OR51B5: variants seen among roughly 807,000 people sequenced by gnomAD.
OR51B5 encodes olfactory receptor family 51 subfamily B member 5, also known as olfactory receptor 51B5.
For missense variants in OR51B5, 456 were observed against 374.6 expected (o/e 1.22, Z -1.79); for synonymous variants, 186 against 144.8 (o/e 1.28, Z -2.04).
intron 1 of OR51B5, among the ~76,000 whole-genome samples, chr11:5,472,738 A>G (rs1438372111): frequency 1.3e-5 from 2 of 152,232 alleles, no homozygotes; most frequent in Non-Finnish European, 2.9e-5. Flanking sequence ...CCCAGGAAGA[A>G]TCCATTCAGT....
chr11:5,421,032 T>C (rs1471293766), intron 1 of OR51B5, among the ~76,000 whole-genome samples: 1 of 152,184 alleles, frequency 6.6e-6, no homozygotes, highest in African/African-American at 2.4e-5. Flanking sequence ...TTTGAGAGAT[T>C]GTACAGTTCA....
At chr11:5,395,129 T>C (rs1297558989) in intron 1 of OR51B5, among the ~76,000 whole-genome samples, 1 of 152,152 alleles carries the variant, frequency 6.6e-6, no homozygotes, top group Admixed American at 6.5e-5. Flanking sequence ...CTCAAATGCT[T>C]TGGTCTAGGA....
At position 5,401,479 on chromosome 11, in the gene OR51B5, T is replaced by C. The variant is rs183703454; in HGVS notation, n.85-54569A>G. On this transcript the variant is annotated intron_variant and non_coding_transcript_variant, in intron 1 of 4. Transcript: ENST00000415970. ...TAGCCCAGTGTGGGTCCAAATTCTA[T>C]GCTTTTCTAGTTTAATTCTCTGCCA... Among the ~76,000 whole-genome samples, 103 of 152,334 alleles carry C rather than the reference T, an allele frequency of 6.8e-4. 1 individual carries two copies. Among genetic ancestry groups the C allele is most frequent in the Middle Eastern group, 3.4e-3 (1 of 294 alleles).
chr11:5,342,969 C>T lies in OR51B5; in HGVS notation c.556G>A (p.Ala186Thr), dbSNP rs771737118. 2.6e-5 allele frequency: 42 copies of T among 1,613,282 alleles called. No individual in the cohort carries two copies. Among genetic ancestry groups the T allele is most frequent in the African/African-American group, 9.4e-5 (7 of 74,766 alleles). Residue 186 changes from alanine to threonine, a missense_variant, in exon 1 of 1, where the codon GCC becomes ACC. Transcript: ENST00000300773. ...CGGTTGAAGGTGGTATCAGCACAGG[C>T]GAGTTTAATGACATCCTGGTGAAGG...
In OR51B5 at chr11:5,396,272, G is replaced by A. The variant is rs1480890701; in HGVS notation, n.85-49362C>T. On this transcript the variant is annotated intron_variant and non_coding_transcript_variant, in intron 1 of 4. Transcript: ENST00000415970. Reference sequence around the variant, plus strand: ...AGGCATTCAATTATGTAAAGAGAAAGTCAAATTGTCCCTGTTTGCAGATGA... The same window carrying A: ...AGGCATTCAATTATGTAAAGAGAAAATCAAATTGTCCCTGTTTGCAGATGA... 2.0e-5 allele frequency among the ~76,000 whole-genome samples: 3 copies of A among 152,200 alleles called. No individual in the cohort carries two copies. The East Asian group carries it at 5.8e-4, about 29-fold the overall frequency.
intron 1 of OR51B5, among the ~76,000 whole-genome samples, chr11:5,405,106 T>C (rs1850039437): frequency 6.6e-6 from 1 of 152,228 alleles, no homozygotes; most frequent in Non-Finnish European, 1.5e-5. Context: ...TTTGCAGGCA[T>C]TTAAAATGAT....
chr11:5,434,244 G>A (rs1408460740), intron 1 of OR51B5, among the ~76,000 whole-genome samples: 1 of 152,154 alleles, frequency 6.6e-6, no homozygotes, highest in Non-Finnish European at 1.5e-5. Context: ...CCCCTTTACA[G>A]TGACAGCATT....
downstream of OR51B5, chr11:5,340,763 T>C (rs1265678405): frequency 1.3e-5 from 2 of 152,202 alleles, no homozygotes; most frequent in Non-Finnish European, 2.9e-5. Flanking sequence ...CAATTAAAAA[T>C]GTTATGCCCT....
At chr11:5,442,577 C>G (rs1204168181) in intron 1 of OR51B5, among the ~76,000 whole-genome samples, 1 of 152,158 alleles carries the variant, frequency 6.6e-6, no homozygotes, top group Non-Finnish European at 1.5e-5. Context: ...ATGACCCTTT[C>G]CCAATTCTTA....
chr11:5,503,868 G>A (rs564013779), intron 1 of OR51B5, among the ~76,000 whole-genome samples: 127 of 152,256 alleles, frequency 8.3e-4, no homozygotes, highest in African/African-American at 3.0e-3. Context: ...TTGATTTATT[G>A]CAGTGATTAA....
intron 1 of OR51B5, among the ~76,000 whole-genome samples, chr11:5,407,904 T>C (rs1031031659): frequency 6.6e-6 from 1 of 152,148 alleles, no homozygotes; most frequent in African/African-American, 2.4e-5. Context: ...TAATAAAATG[T>C]TATTGACAAA....
chr11:5,399,975 G>C (rs1239551605), intron 1 of OR51B5, among the ~76,000 whole-genome samples: 1 of 152,140 alleles, frequency 6.6e-6, no homozygotes, highest in East Asian at 1.9e-4. Context: ...AAGAACAGCT[G>C]CTCAATCCAG....
At chr11:5,360,381 C>G (rs28871579) in intron 1 of OR51B5, among the ~76,000 whole-genome samples, 10 of 151,418 alleles carry the variant, frequency 6.6e-5, no homozygotes, top group Admixed American at 6.6e-4. Flanking sequence ...TCAACAGACA[C>G]ATGAAAAAAT....
chr11:5,471,569 G>A lies in OR51B5; in HGVS notation n.84+34000C>T, dbSNP rs145324494. ...TAGAATCCCTTGAACTCGGGAAGTG[G>A]AGGTTGCAGTGAGCTGAGATCGCAC... On this transcript the variant is annotated intron_variant and non_coding_transcript_variant, in intron 1 of 4. Coordinates refer to the OR51B5 transcript ENST00000415970. Among the ~76,000 whole-genome samples the A allele has an allele frequency of 7.2e-3, 1,089 of 150,776 alleles. 13 individuals carry two copies. Among genetic ancestry groups the A allele is most frequent in the Middle Eastern group, 0.024 (7 of 290 alleles).
chr11:5,378,102 C>T (rs1849555282), intron 1 of OR51B5, among the ~76,000 whole-genome samples: 1 of 151,882 alleles, frequency 6.6e-6, no homozygotes, highest in Non-Finnish European at 1.5e-5. Flanking sequence ...GTTACTGGTA[C>T]CAAAACACAG....
upstream of OR51B5, among the ~76,000 whole-genome samples, chr11:5,344,886 G>A (rs756030930): frequency 1.3e-5 from 2 of 152,126 alleles, no homozygotes; most frequent in Admixed American, 6.5e-5. Context: ...GGATGGTATT[G>A]TATACAAGAT....
chr11:5,465,337 C>T (rs1658579789), intron 1 of OR51B5, among the ~76,000 whole-genome samples: 1 of 150,432 alleles, frequency 6.6e-6, no homozygotes, highest in East Asian at 1.9e-4. Context: ...TTTTGATTTG[C>T]ATTTCTCTGA....
chr11:5,360,792 C>T (rs1348910173), intron 1 of OR51B5, among the ~76,000 whole-genome samples: 1 of 148,002 alleles, frequency 6.8e-6, no homozygotes, highest in Non-Finnish European at 1.5e-5. Context: ...ACATATACAC[C>T]ATGGAATACT....
intron 1 of OR51B5, chr11:5,351,463 A>T: frequency 2.7e-6 from 4 of 1,486,266 alleles, no homozygotes; most frequent in Non-Finnish European, 3.7e-6. Context: ...ACTGATTACT[A>T]TTGCTTTACC....
Sources: gnomAD v4.1 joint callset for allele counts (sites outside exome capture counted in the v4.1 genomes callset) on GRCh38, gnomAD v4.1.1 for gene constraint, MANE v1.5 for transcripts, NCBI Gene and HGNC (gene_info 2026-07-23, HGNC 2026-07-21) for gene names.